CDKN2B-AS1: variants seen among roughly 807,000 people sequenced by gnomAD.
The protein encoded by CDKN2B-AS1 is CDKN2B and CDKN2A antisense cis and trans regulatory RNA 1.
intron 1 of CDKN2B-AS1, chr9:22,030,985 GT>G (rs1822445275): frequency 6.6e-6 from 1 of 152,130 alleles, no homozygotes; most frequent in South Asian, 2.1e-4. Context: ...CAATGAATAT[GT>G]TTGTTTAGCT....
At chr9:22,018,157 C>G (rs1394995195) in intron 1 of CDKN2B-AS1, among the ~76,000 whole-genome samples, 1 of 150,774 alleles carries the variant, frequency 6.6e-6, no homozygotes, top group African/African-American at 2.4e-5. Flanking sequence ...AACCATGTCT[C>G]TACTAAAAAT....
chr9:22,099,800 A>C (rs895335405), intron 4 of CDKN2B-AS1, among the ~76,000 whole-genome samples: 1 of 152,190 alleles, frequency 6.6e-6, no homozygotes, highest in Non-Finnish European at 1.5e-5. Context: ...TGTGGAAAAA[A>C]GGTGTGCATG....
chr9:22,072,357 C>T (rs1387433211), intron 4 of CDKN2B-AS1, among the ~76,000 whole-genome samples: 1 of 152,202 alleles, frequency 6.6e-6, no homozygotes, highest in African/African-American at 2.4e-5. Flanking sequence ...CTTAGCTTGT[C>T]TACATTTGAG....
intron 4 of CDKN2B-AS1, among the ~76,000 whole-genome samples, chr9:22,099,939 G>A (rs1001707807): frequency 2.0e-5 from 3 of 151,948 alleles, no homozygotes; most frequent in Admixed American, 6.6e-5. Flanking sequence ...GGAGAACAGC[G>A]GTAGGAAAAT....
At chr9:22,115,168 G>A (rs1017486614) in intron 4 of CDKN2B-AS1, among the ~76,000 whole-genome samples, 1 of 152,178 alleles carries the variant, frequency 6.6e-6, no homozygotes, top group Non-Finnish European at 1.5e-5. Flanking sequence ...ATGCTTTTGT[G>A]TCTGAGTCAC....
intron 4 of CDKN2B-AS1, among the ~76,000 whole-genome samples, chr9:22,088,450 C>T (rs919689167): frequency 2.7e-5 from 4 of 148,540 alleles, no homozygotes; most frequent in East Asian, 1.9e-4. Context: ...AGCACACACA[C>T]ACACACACAC....
intron 4 of CDKN2B-AS1, among the ~76,000 whole-genome samples, chr9:22,090,799 T>A (rs1051129396): frequency 6.6e-6 from 1 of 152,230 alleles, no homozygotes; most frequent in South Asian, 2.1e-4. Flanking sequence ...TGATGGTAGT[T>A]TCTTTTGCTG....
At chr9:22,045,881 A>C (rs1823087953) in intron 1 of CDKN2B-AS1, among the ~76,000 whole-genome samples, 1 of 152,144 alleles carries the variant, frequency 6.6e-6, no homozygotes, top group Admixed American at 6.6e-5. Context: ...TGTATTTATT[A>C]AACAATATTT....
intron 1 of CDKN2B-AS1, among the ~76,000 whole-genome samples, chr9:22,043,707 A>G (rs1218035392): frequency 6.6e-6 from 1 of 152,034 alleles, no homozygotes; most frequent in Non-Finnish European, 1.5e-5. Context: ...TGCTTCTGAA[A>G]ATATACTATG....
At chr9:22,055,509 G>A (rs1035767423) in intron 3 of CDKN2B-AS1, among the ~76,000 whole-genome samples, 6 of 152,188 alleles carry the variant, frequency 3.9e-5, no homozygotes, top group Admixed American at 3.3e-4. Context: ...AGCCAAGGCA[G>A]GATAAGTAGT....
At position 22,091,661 on chromosome 9, in the gene CDKN2B-AS1, G is replaced by A. The variant is rs563643264; in HGVS notation, n.438+35274G>A. The stretch of plus-strand genomic sequence containing the variant: ...GTGTATAAGAATGCTTGTGATTTTC[G>A]CACATTGATTTTTTATCCTGAGACT... On this transcript the variant is annotated intron_variant and non_coding_transcript_variant, in intron 4 of 4. Transcript: ENST00000650946. 1.9e-3 allele frequency among the ~76,000 whole-genome samples: 293 copies of A among 152,202 alleles called. 1 individual carries two copies. Among genetic ancestry groups the A allele is most frequent in the African/African-American group, 6.6e-3 (275 of 41,516 alleles).
chr9:22,095,042 C>T (rs1408436779), intron 4 of CDKN2B-AS1, among the ~76,000 whole-genome samples: 1 of 145,056 alleles, frequency 6.9e-6, no homozygotes, highest in Non-Finnish European at 1.5e-5. Flanking sequence ...TCAGGACCCT[C>T]AGCTGCAGGT....
chr9:22,120,119 A>G (rs1045997371), intron 4 of CDKN2B-AS1: 2 of 152,256 alleles, frequency 1.3e-5, no homozygotes, highest in African/African-American at 2.4e-5. Flanking sequence ...ACGATTGTAT[A>G]CACTATAATG....
In CDKN2B-AS1 at chr9:22,076,297, A is replaced by G. The variant is rs571345760; in HGVS notation, n.438+19910A>G. 2.7e-3 allele frequency among the ~76,000 whole-genome samples: 403 copies of G among 151,960 alleles called. 1 individual carries two copies. Among genetic ancestry groups the G allele is most frequent in the Admixed American group, 4.8e-3 (74 of 15,270 alleles). On this transcript the variant is annotated intron_variant and non_coding_transcript_variant, in intron 4 of 4. Transcript: ENST00000650946. ...TTGAACTCCTGACCTCAGGTGATCC[A>G]CCCGCCTGGGCCTCCCAAAGTGTGG...
intron 1 of CDKN2B-AS1, among the ~76,000 whole-genome samples, chr9:22,028,568 T>TA (rs1392368634): frequency 1.3e-5 from 2 of 152,140 alleles, no homozygotes; most frequent in African/African-American, 4.8e-5. Flanking sequence ...AATTTGTACT[T>TA]AATGTGGTTA....
chr9:22,021,187 G>A (rs796143083), intron 1 of CDKN2B-AS1, among the ~76,000 whole-genome samples: 119 of 152,176 alleles, frequency 7.8e-4, no homozygotes, highest in African/African-American at 2.7e-3. Flanking sequence ...ATAGTTGGAG[G>A]TGTGTAGTCT....
chr9:22,009,243 CTCTG>C, intron 1 of CDKN2B-AS1: 1 of 558,742 alleles, frequency 1.8e-6, no homozygotes, highest in African/African-American at 1.9e-5. Context: ...CTCAAAGCCG[CTCTG>C]GCCGCAGGGT....
At chr9:22,057,407 A>G (rs1823616728) in intron 4 of CDKN2B-AS1, among the ~76,000 whole-genome samples, 1 of 152,246 alleles carries the variant, frequency 6.6e-6, no homozygotes, top group Non-Finnish European at 1.5e-5. Flanking sequence ...TTTAATCAAA[A>G]TTAATTAAAT....
chr9:22,111,746 G>A (rs1245711611), intron 4 of CDKN2B-AS1, among the ~76,000 whole-genome samples: 1 of 152,126 alleles, frequency 6.6e-6, no homozygotes, highest in Non-Finnish European at 1.5e-5. Flanking sequence ...AAATTCGAAA[G>A]TAGATAATAA....
Sources: gnomAD v4.1 joint callset for allele counts (sites outside exome capture counted in the v4.1 genomes callset) on GRCh38, gnomAD v4.1.1 for gene constraint, MANE v1.5 for transcripts, NCBI Gene and HGNC (gene_info 2026-07-23, HGNC 2026-07-21) for gene names.